KDM4B: variants seen among roughly 807,000 people sequenced by gnomAD.
KDM4B encodes the protein lysine demethylase 4B.
KDM4B carries 32 observed loss-of-function variants against 125.2 expected under a neutral mutation model. The observed-to-expected ratio is 0.26, with a 90% CI of 0.19 to 0.34. KDM4B has a LOEUF of 0.34. Among genes scored for constraint, KDM4B ranks in the 10% least tolerant of loss-of-function variants. KDM4B has a pLI of 1.00. For synonymous variants in KDM4B, 721 were observed against 677.9 expected (o/e 1.06, Z -0.99); for missense variants, 1,190 against 1,577.7 (o/e 0.75, Z 4.16).
Position 5,038,240 on chromosome 19 carries a change from G to A in KDM4B, c.142-1596G>A, listed in dbSNP as rs2036692611. 2.6e-5 allele frequency among the ~76,000 whole-genome samples: 4 copies of A among 152,378 alleles called. No homozygotes were observed. The South Asian group carries it at 8.3e-4, about 32-fold the overall frequency. ...GGTGTGGCAGCCCCGGAGCGGCTGG[G>A]AGGGCCTGCACAGAAGGGTGCCTGG... On this transcript the variant is annotated intron_variant, in intron 3 of 22. Transcript: ENST00000159111.
chr19:5,098,294 A>G (rs2038866760), intron 9 of KDM4B, among the ~76,000 whole-genome samples: 1 of 152,200 alleles, frequency 6.6e-6, no homozygotes, highest in South Asian at 2.1e-4. Context: ...TTTTTATTAC[A>G]GTTTACAAAA....
Position 5,151,620 on chromosome 19 carries a change from C to A in KDM4B, c.*109C>A. Reference sequence around the variant, plus strand: ...CTCGTGTCCCCGACCCCCGAGAGGCCACCTCCAAGCCGCGGGTGCCCCCTA... The same window carrying A: ...CTCGTGTCCCCGACCCCCGAGAGGCAACCTCCAAGCCGCGGGTGCCCCCTA... On this transcript the variant is annotated 3_prime_UTR_variant, in exon 23 of 23. Transcript: ENST00000159111. 1 of 1,023,370 alleles carries A rather than the reference C, an allele frequency of 9.8e-7. No individual in the cohort carries two copies. The highest frequency in any genetic ancestry group is 1.3e-6 in the Non-Finnish European group (1 of 791,068). 63.4% of individuals were successfully genotyped at this position (1,023,370 alleles called of 1,614,324 possible).
At chr19:5,087,559 T>A (rs1483637108) in intron 9 of KDM4B, among the ~76,000 whole-genome samples, 1 of 152,198 alleles carries the variant, frequency 6.6e-6, no homozygotes, top group Admixed American at 6.5e-5. Context: ...CAGTCATCTC[T>A]TTCTGGGGGG....
intron 10 of KDM4B, among the ~76,000 whole-genome samples, chr19:5,118,630 G>A (rs1184724310): frequency 6.6e-6 from 1 of 152,220 alleles, no homozygotes; most frequent in East Asian, 1.9e-4. Flanking sequence ...TTCCTTCCTG[G>A]AAAGACCCTG....
intron 11 of KDM4B, among the ~76,000 whole-genome samples, chr19:5,123,971 C>T (rs938924033): frequency 6.6e-6 from 1 of 151,762 alleles, no homozygotes; most frequent in African/African-American, 2.4e-5. Flanking sequence ...TGACCATTCT[C>T]CCCACAGGAT....
At chr19:5,055,893 A>T (rs577230335) in intron 6 of KDM4B, among the ~76,000 whole-genome samples, 1 of 152,188 alleles carries the variant, frequency 6.6e-6, no homozygotes, top group African/African-American at 2.4e-5. Context: ...TGAGCATTCT[A>T]TATCAATGTG....
In KDM4B at chr19:5,035,880, T is replaced by TGTGTGTGTGTGTGCGCGC. The variant is rs58219404; in HGVS notation, c.141+2850_141+2851insTGTGTGTGTGTGCGCGCG. ...ACGTGTCTCTGTGTGTGTGTGTGTG[T>TGTGTGTGTGTGTGCGCGC]GCGCGCGCGCGCGCGCCTGCGCGCA... On this transcript the variant is annotated intron_variant, in intron 3 of 22. Transcript: ENST00000159111. This position sits in a 1 kb window ranked among gnomAD's most constrained non-coding sequence, Gnocchi z 5.3. Among the ~76,000 whole-genome samples the TGTGTGTGTGTGTGCGCGC allele has an allele frequency of 2.7e-4, 37 of 136,492 alleles. No homozygotes were observed. The highest frequency in any genetic ancestry group is 9.2e-4 in the African/African-American group (35 of 37,892). The allele number at this position is 136,492 out of a possible 152,430, so 89.5% of individuals were successfully genotyped here.
intron 13 of KDM4B, among the ~76,000 whole-genome samples, chr19:5,133,473 C>T (rs2039593986): frequency 1.3e-5 from 2 of 152,214 alleles, no homozygotes; most frequent in African/African-American, 2.4e-5. Flanking sequence ...CAGACTCAGA[C>T]CCCAGGACGG....
chr19:5,138,046 C>T lies in KDM4B; in HGVS notation c.2526C>T (p.Ala842=). The T allele has an allele frequency of 1.2e-6, 2 of 1,612,462 alleles. No individual in the cohort carries two copies. Among genetic ancestry groups the T allele is most frequent in the Non-Finnish European group, 8.5e-7 (1 of 1,179,804 alleles). Residue 842 remains alanine (A), a synonymous_variant, in exon 18 of 23, where the codon GCC becomes GCT. Coordinates refer to ENST00000159111, the MANE Select transcript of KDM4B (RefSeq NM_015015.3). ...VIERHPVDIS[A]IPEQRWKLKC... ...AGCGCCACCCTGTGGACATCAGCGC[C>T]ATCCCCGAGCAGCGGTGGAAGCTGG...
chr19:4,985,056 C>T (rs539673208), intron 1 of KDM4B, among the ~76,000 whole-genome samples: 1 of 152,156 alleles, frequency 6.6e-6, no homozygotes, highest in Non-Finnish European at 1.5e-5. Flanking sequence ...GGCACGGTGG[C>T]TCCCGCCTGT....
At chr19:4,984,450 A>G (rs1338416835) in intron 1 of KDM4B, among the ~76,000 whole-genome samples, 3 of 152,152 alleles carry the variant, frequency 2.0e-5, no homozygotes, top group Non-Finnish European at 4.4e-5. Flanking sequence ...ATAATGGGGC[A>G]GCCAGGTGGG....
chr19:5,062,369 G>A (rs1222642354), intron 6 of KDM4B, among the ~76,000 whole-genome samples: 1 of 152,250 alleles, frequency 6.6e-6, no homozygotes, highest in African/African-American at 2.4e-5. Context: ...TCGGTAGCAT[G>A]CCTTTCCTGC....
intron 11 of KDM4B, among the ~76,000 whole-genome samples, chr19:5,122,065 A>G (rs1054430904): frequency 2.0e-5 from 3 of 152,110 alleles, no homozygotes; most frequent in Non-Finnish European, 2.9e-5. Flanking sequence ...AAAACAACAC[A>G]CGCTCCTTGT....
chr19:5,057,677 G>A (rs1307565049), intron 6 of KDM4B, among the ~76,000 whole-genome samples: 4 of 152,150 alleles, frequency 2.6e-5, no homozygotes, highest in Non-Finnish European at 4.4e-5. Flanking sequence ...TTGAAGAGAC[G>A]TCCGATCTGC....
chr19:4,993,157 C>T (rs2035081445), intron 1 of KDM4B, among the ~76,000 whole-genome samples: 1 of 152,160 alleles, frequency 6.6e-6, no homozygotes, highest in Admixed American at 6.5e-5. Context: ...TGCCTGTAAT[C>T]TCAGCACTTT....
chr19:5,076,251 C>T (rs2620803), intron 7 of KDM4B: 5 of 26,770 alleles, frequency 1.9e-4, no homozygotes, highest in Non-Finnish European at 3.3e-4. Context: ...TCTCGTTGAC[C>T]GAGTGACGAG....
At chr19:5,129,611 T>C (rs2039508744) in intron 11 of KDM4B, among the ~76,000 whole-genome samples, 1 of 152,248 alleles carries the variant, frequency 6.6e-6, no homozygotes, top group Admixed American at 6.5e-5. Flanking sequence ...ATGTTAGCAG[T>C]GACCAGTTCA....
chr19:5,106,650 C>G lies in KDM4B; in HGVS notation c.919-3972C>G, dbSNP rs548937079. Among the ~76,000 whole-genome samples, 88 of 152,368 alleles carry G rather than the reference C, an allele frequency of 5.8e-4. No individual in the cohort carries two copies. In the South Asian group the frequency reaches 8.3e-3, roughly 14 times the overall value. ...TGTGAAGCCTCTGCTGATTCGCTGG[C>G]AAGCGGCACTGTCCAGGCCCCCAGA... On this transcript the variant is annotated intron_variant, in intron 9 of 22. Transcript: ENST00000159111.
rs2036597699 is a variant in KDM4B, at chr19:5,035,765, C to G, written c.141+2734C>G. The stretch of plus-strand genomic sequence containing the variant: ...AGCTCCCATGCTGCTTCTCCTTGCA[C>G]CAGTGCAGAGAATCCTTTCTCAAAC... On this transcript the variant is annotated intron_variant, in intron 3 of 22. Coordinates refer to ENST00000159111, the MANE Select transcript of KDM4B (RefSeq NM_015015.3). This position sits in a 1 kb window ranked among gnomAD's most constrained non-coding sequence, Gnocchi z 5.3. Among the ~76,000 whole-genome samples the G allele has an allele frequency of 6.6e-6, 1 of 152,164 alleles. No homozygotes were observed. Among genetic ancestry groups the G allele is most frequent in the Non-Finnish European group, 1.5e-5 (1 of 68,034 alleles).
Sources: gnomAD v4.1 joint callset for allele counts (sites outside exome capture counted in the v4.1 genomes callset) on GRCh38, gnomAD v4.1.1 for gene constraint, Gnocchi (gnomAD v3.1) non-coding constraint, MANE v1.5 for transcripts, NCBI Gene and HGNC (gene_info 2026-07-23, HGNC 2026-07-21) for gene names.